NRXN1: variants seen among roughly 807,000 people sequenced by gnomAD.
NRXN1 encodes the protein neurexin-1.
Under a neutral mutation model 150.9 loss-of-function variants are expected in NRXN1, and 39 were observed. That is an observed-to-expected ratio of 0.26 (90% CI 0.20 to 0.34). The LOEUF is 0.34. Among genes scored for constraint, NRXN1 ranks in the 10% least tolerant of loss-of-function variants. The pLI, the probability that NRXN1 is intolerant of heterozygous loss-of-function variation, is 1.00. For missense variants in NRXN1, 1,815 were observed against 1,949.9 expected (o/e 0.93, Z 1.30); for synonymous variants, 924 against 757.0 (o/e 1.22, Z -3.62).
chr2:50,237,242 C>G (rs1275131727), intron 17 of NRXN1, among the ~76,000 whole-genome samples: 1 of 151,930 alleles, frequency 6.6e-6, no homozygotes, highest in African/African-American at 2.4e-5. Flanking sequence ...TTGAGTTGGA[C>G]AAGAACGGAA....
At chr2:50,072,538 A>AG (rs1553562211) in intron 19 of NRXN1, among the ~76,000 whole-genome samples, 3 of 151,784 alleles carry the variant, frequency 2.0e-5, no homozygotes, top group Non-Finnish European at 1.5e-5. Flanking sequence ...TTTAAAAAAA[A>AG]AAAAAGAAAA....
chr2:50,131,052 A>C (rs932829924), intron 18 of NRXN1, among the ~76,000 whole-genome samples: 5 of 152,240 alleles, frequency 3.3e-5, no homozygotes, highest in African/African-American at 1.2e-4. Context: ...ATGTTTAGGC[A>C]TCAGTTGAGC....
chr2:50,824,918 C>A (rs1360791453), intron 5 of NRXN1, among the ~76,000 whole-genome samples: 1 of 152,164 alleles, frequency 6.6e-6, no homozygotes, highest in African/African-American at 2.4e-5. Context: ...TGCAGGCATC[C>A]ACAATTTGTT....
intron 18 of NRXN1, among the ~76,000 whole-genome samples, chr2:50,195,019 A>T (rs962953492): frequency 2.0e-5 from 3 of 152,144 alleles, no homozygotes; most frequent in Non-Finnish European, 4.4e-5. Context: ...TAGATGAAAG[A>T]TTTACACAGA....
intron 5 of NRXN1, among the ~76,000 whole-genome samples, chr2:50,657,639 T>C (rs1248974318): frequency 6.6e-6 from 1 of 152,026 alleles, no homozygotes; most frequent in Non-Finnish European, 1.5e-5. Flanking sequence ...GTGTTCTTGC[T>C]TCTCATTAAC....
intron 5 of NRXN1, among the ~76,000 whole-genome samples, chr2:50,878,127 C>G (rs1678883662): frequency 6.6e-6 from 1 of 151,872 alleles, no homozygotes; most frequent in East Asian, 1.9e-4. Context: ...CTGGGCAAAA[C>G]AGTTCAATAA....
intron 21 of NRXN1, among the ~76,000 whole-genome samples, chr2:50,033,545 AC>A (rs1278575002): frequency 6.6e-6 from 1 of 152,156 alleles, no homozygotes; most frequent in African/African-American, 2.4e-5. Flanking sequence ...CCTATGCAAT[AC>A]CATTCTCGAC....
At chr2:50,655,100 T>G (rs1056655938) in intron 5 of NRXN1, among the ~76,000 whole-genome samples, 1 of 151,856 alleles carries the variant, frequency 6.6e-6, no homozygotes, top group East Asian at 2.0e-4. Flanking sequence ...TGTGGCCAAT[T>G]TTAGAGATGC....
At chr2:50,797,472 G>A (rs2105659150) in intron 5 of NRXN1, among the ~76,000 whole-genome samples, 1 of 152,116 alleles carries the variant, frequency 6.6e-6, no homozygotes, top group Admixed American at 6.6e-5. Context: ...TAAAAACACA[G>A]AACAGCATTC....
chr2:50,416,894 C>G (rs868308772), intron 17 of NRXN1, among the ~76,000 whole-genome samples: 6 of 152,062 alleles, frequency 3.9e-5, no homozygotes, highest in African/African-American at 1.4e-4. Flanking sequence ...GGGGACACAG[C>G]CAAACCATGT....
chr2:49,985,760 T>C (rs1680801168), intron 21 of NRXN1, among the ~76,000 whole-genome samples: 1 of 152,180 alleles, frequency 6.6e-6, no homozygotes, highest in Admixed American at 6.5e-5. Flanking sequence ...CATACTGTCA[T>C]GCAAATGAGT....
intron 21 of NRXN1, among the ~76,000 whole-genome samples, chr2:49,994,703 C>A (rs183708938): frequency 2.0e-5 from 3 of 152,288 alleles, no homozygotes; most frequent in Admixed American, 2.0e-4. Flanking sequence ...AAACTTACAG[C>A]CATTAAATAG....
chr2:50,641,116 T>C (rs1423857872), intron 5 of NRXN1, among the ~76,000 whole-genome samples: 1 of 152,100 alleles, frequency 6.6e-6, no homozygotes, highest in African/African-American at 2.4e-5. Flanking sequence ...CTGCTTTTCC[T>C]TCTTCTAATA....
chr2:50,992,889 T>A (rs1698745937), intron 2 of NRXN1, among the ~76,000 whole-genome samples: 1 of 151,962 alleles, frequency 6.6e-6, no homozygotes, highest in African/African-American at 2.4e-5. Context: ...CAACTACATA[T>A]CTTTGGAAGT....
chr2:50,538,137 C>A, intron 10 of NRXN1, 116 bp downstream of exon 10: 1 of 1,187,704 alleles, frequency 8.4e-7, no homozygotes. Context: ...AGCTTGCAAA[C>A]AGAGTTTACT....
At chr2:50,860,050 G>A (rs1280844992) in intron 5 of NRXN1, among the ~76,000 whole-genome samples, 1 of 151,918 alleles carries the variant, frequency 6.6e-6, no homozygotes, top group Non-Finnish European at 1.5e-5. Flanking sequence ...AGTTTAGCAT[G>A]GAAAATTATC....
chr2:50,102,787 A>G (rs192090947), intron 18 of NRXN1, among the ~76,000 whole-genome samples: 132 of 152,196 alleles, frequency 8.7e-4, no homozygotes, highest in East Asian at 1.9e-4. Context: ...GGGATTGTAC[A>G]AAGACAGATC....
chr2:50,214,325 CG>C (rs2152847827), intron 18 of NRXN1, among the ~76,000 whole-genome samples: 1 of 152,042 alleles, frequency 6.6e-6, no homozygotes, highest in East Asian at 1.9e-4. Context: ...CTTTAGCATA[CG>C]TCTTTCTCTT....
At chr2:50,008,635 C>T (rs1490848029) in intron 21 of NRXN1, among the ~76,000 whole-genome samples, 3 of 151,824 alleles carry the variant, frequency 2.0e-5, no homozygotes, top group Non-Finnish European at 4.4e-5. Flanking sequence ...AAGATATGCA[C>T]ATAGTAATGA....
Sources: allele counts gnomAD v4.1 joint callset (sites outside exome capture counted in the v4.1 genomes callset), GRCh38; gene constraint gnomAD v4.1.1; transcripts MANE v1.5; gene names NCBI Gene and HGNC (gene_info 2026-07-23, HGNC 2026-07-21).